The following SLC4A10 variants were observed in gnomAD, a reference collection of about 807,000 sequenced individuals.
SLC4A10 encodes the protein solute carrier family 4 member 10.
In SLC4A10, 42 loss-of-function variants were observed where a neutral mutation model predicts 137.7. The observed-to-expected ratio is 0.30, with a 90% confidence interval of 0.24 to 0.39. The LOEUF (loss-of-function observed/expected upper bound fraction) is 0.39. Ranked by LOEUF, SLC4A10 falls within the 10% of genes least tolerant of loss-of-function variation. The pLI, the probability that SLC4A10 is intolerant of heterozygous loss-of-function variation, is 1.00. For synonymous variants in SLC4A10, 474 were observed against 464.1 expected (o/e 1.02, Z -0.27); for missense variants, 925 against 1,355.0 (o/e 0.68, Z 4.98).
In SLC4A10 at chr2:161,858,851, A is replaced by G. The variant is rs567020556; in HGVS notation, c.577+3721A>G. Among the ~76,000 whole-genome samples, 10 of 152,298 alleles carry G rather than the reference A, an allele frequency of 6.6e-5. No homozygotes were observed. The East Asian group carries it at 1.7e-3, about 26-fold the overall frequency. On this transcript the variant is annotated intron_variant, in intron 5 of 26. Coordinates refer to ENST00000446997, the MANE Select transcript of SLC4A10 (RefSeq NM_001178015.2). ...CAACCTTTGTTGTTTAAAATCTTTC[A>G]TTGAAGGAAGAATCTACAGTTTGCT...
At chr2:161,697,943 A>G (rs2042718474) in intron 1 of SLC4A10, among the ~76,000 whole-genome samples, 1 of 152,202 alleles carries the variant, frequency 6.6e-6, no homozygotes, top group Non-Finnish European at 1.5e-5. Flanking sequence ...CTATGAGCAT[A>G]GAATGTTTTT....
At chr2:161,979,723 T>G (rs1479480571) in intron 26 of SLC4A10, among the ~76,000 whole-genome samples, 2 of 152,234 alleles carry the variant, frequency 1.3e-5, no homozygotes, top group East Asian at 3.9e-4. Context: ...CGTGGTAGAG[T>G]ATCCATTGGC....
At chr2:161,795,843 CT>C (rs555122798) in intron 2 of SLC4A10, among the ~76,000 whole-genome samples, 1 of 151,930 alleles carries the variant, frequency 6.6e-6, no homozygotes, top group South Asian at 2.1e-4. Context: ...AGGCTAGTTT[CT>C]TTTTTTTAAC....
intron 8 of SLC4A10, among the ~76,000 whole-genome samples, chr2:161,877,187 T>C (rs2061493785): frequency 6.6e-6 from 1 of 152,112 alleles, no homozygotes; most frequent in South Asian, 2.1e-4. Context: ...GCACAGACTT[T>C]CATAGTTAAG....
chr2:161,952,000 TA>T (rs917402414), intron 19 of SLC4A10, among the ~76,000 whole-genome samples: 45 of 152,272 alleles, frequency 3.0e-4, no homozygotes, highest in African/African-American at 1.1e-3. Flanking sequence ...TGATACATTT[TA>T]AAAAATCAAC....
rs543494048 is a variant in SLC4A10, at chr2:161,818,047, T to C, written c.277+13452T>C. On this transcript the variant is annotated intron_variant, in intron 3 of 26. Transcript: ENST00000446997. ...CATTGGTAGCTTGATGGGGATGGTA[T>C]TGAATCTATAAATTACCTTGGGCAA... Among the ~76,000 whole-genome samples the C allele has an allele frequency of 7.2e-4, 109 of 152,290 alleles. 1 individual carries two copies. Among genetic ancestry groups the C allele is most frequent in the African/African-American group, 2.5e-3 (104 of 41,572 alleles).
intron 15 of SLC4A10, among the ~76,000 whole-genome samples, chr2:161,907,660 A>T (rs1684771481): frequency 6.6e-6 from 1 of 152,220 alleles, no homozygotes; most frequent in Non-Finnish European, 1.5e-5. Context: ...GGAGGAAATA[A>T]TGTAGAATAA....
chr2:161,935,634 T>C (rs906075247), intron 15 of SLC4A10, among the ~76,000 whole-genome samples: 2 of 152,200 alleles, frequency 1.3e-5, no homozygotes, highest in Non-Finnish European at 2.9e-5. Context: ...AAATTTATTT[T>C]GGTAACTATT....
chr2:161,627,631 T>C (rs145360187), intron 1 of SLC4A10, among the ~76,000 whole-genome samples: 458 of 152,248 alleles, frequency 3.0e-3, no homozygotes, highest in African/African-American at 0.01. Context: ...GTTTCTCTTT[T>C]TTTCCCAGTC....
intron 1 of SLC4A10, among the ~76,000 whole-genome samples, chr2:161,751,815 T>A (rs554904701): frequency 6.6e-6 from 1 of 152,046 alleles, no homozygotes; most frequent in East Asian, 1.9e-4. Flanking sequence ...TGTCATAGAT[T>A]GGGTAAAAGA....
chr2:161,865,161 T>C (rs1297937418), intron 6 of SLC4A10, among the ~76,000 whole-genome samples: 2 of 152,066 alleles, frequency 1.3e-5, no homozygotes, highest in African/African-American at 4.8e-5. Flanking sequence ...AATAATTTCA[T>C]TGCATTTTTT....
intron 2 of SLC4A10, among the ~76,000 whole-genome samples, chr2:161,790,405 G>A (rs1219989110): frequency 6.6e-6 from 1 of 152,054 alleles, no homozygotes; most frequent in African/African-American, 2.4e-5. Context: ...CTTTGAAAAA[G>A]AACCATTTAT....
At chr2:161,690,930 A>G (rs2041921358) in intron 1 of SLC4A10, among the ~76,000 whole-genome samples, 1 of 152,128 alleles carries the variant, frequency 6.6e-6, no homozygotes, top group Non-Finnish European at 1.5e-5. Context: ...CTGTACATGT[A>G]TCCCAGAACT....
intron 15 of SLC4A10, among the ~76,000 whole-genome samples, chr2:161,920,331 T>G (rs780651039): frequency 6.6e-6 from 1 of 152,078 alleles, no homozygotes; most frequent in Non-Finnish European, 1.5e-5. Context: ...ATCTATGACA[T>G]TAACCCAATT....
chr2:161,970,211 T>G (rs1183829452), intron 23 of SLC4A10, among the ~76,000 whole-genome samples: 2 of 152,244 alleles, frequency 1.3e-5, no homozygotes, highest in South Asian at 2.1e-4. Flanking sequence ...ACATGATTAC[T>G]TAGAGACACA....
intron 26 of SLC4A10, among the ~76,000 whole-genome samples, chr2:161,978,923 A>G (rs1180490506): frequency 1.3e-5 from 2 of 152,186 alleles, no homozygotes; most frequent in Admixed American, 6.5e-5. Flanking sequence ...GATCCTTGCT[A>G]CAGTCTGATA....
intron 1 of SLC4A10, among the ~76,000 whole-genome samples, chr2:161,654,708 G>A (rs2037275255): frequency 6.6e-6 from 1 of 152,010 alleles, no homozygotes; most frequent in Non-Finnish European, 1.5e-5. Flanking sequence ...TTATTTCTGG[G>A]CTCTCTATTC....
intron 1 of SLC4A10, among the ~76,000 whole-genome samples, chr2:161,746,887 C>T (rs971508529): frequency 2.6e-5 from 4 of 152,104 alleles, no homozygotes; most frequent in Non-Finnish European, 5.9e-5. Flanking sequence ...CGAGAAGCTA[C>T]GGCCTGGAAT....
intron 1 of SLC4A10, among the ~76,000 whole-genome samples, chr2:161,653,317 C>T (rs1348944016): frequency 1.3e-5 from 2 of 152,146 alleles, no homozygotes; most frequent in Admixed American, 1.3e-4. Flanking sequence ...ACATAGTGTG[C>T]ATGTGTCTTT....
Sources: allele counts gnomAD v4.1 joint callset (sites outside exome capture counted in the v4.1 genomes callset), GRCh38; gene constraint gnomAD v4.1.1; transcripts MANE v1.5; gene names NCBI Gene and HGNC (gene_info 2026-07-23, HGNC 2026-07-21).